ZNF469: variants seen among roughly 807,000 people sequenced by gnomAD.
ZNF469 encodes zinc finger protein 469.
A neutral mutation model predicts 1.0 loss-of-function variants in ZNF469; 1 was observed. The observed-to-expected ratio is 1.00, with a 90% CI of 0.35 to 4.73. The LOEUF is 4.73. ZNF469 is among the 30% of genes most tolerant of loss of function. The pLI is 0.16. For missense variants in ZNF469, 6,100 were observed against 5,356.3 expected (o/e 1.14, Z -4.33); for synonymous variants, 2,703 against 2,363.4 (o/e 1.14, Z -4.17).
At chr16:88,410,510 A>G (rs1905126940) in intron 1 of ZNF469, among the ~76,000 whole-genome samples, 2 of 141,018 alleles carry the variant, frequency 1.4e-5, no homozygotes, top group South Asian at 4.5e-4. Flanking sequence ...GGTGCAGGTC[A>G]CGTGGTCATG....
the ZNF469 span, among the ~76,000 whole-genome samples, chr16:88,184,126 C>T: frequency 6.6e-6 from 1 of 152,000 alleles, no homozygotes; most frequent in Non-Finnish European, 1.5e-5. Context: ...CTGTGGCCCC[C>T]GTGTAAACAG....
At chr16:88,168,126 G>C in the ZNF469 span, among the ~76,000 whole-genome samples, 3 of 152,300 alleles carry the variant, frequency 2.0e-5, no homozygotes, top group South Asian at 6.2e-4. This position sits in a 1 kb window ranked among gnomAD's most constrained non-coding sequence, Gnocchi z 4.3. Flanking sequence ...AATTGGCACC[G>C]GGGTAGCCTT....
chr16:88,109,328 C>A, the ZNF469 span, among the ~76,000 whole-genome samples: 1 of 152,256 alleles, frequency 6.6e-6, no homozygotes, highest in Non-Finnish European at 1.5e-5. Context: ...TCCAGGCCCA[C>A]TTTCCACACC....
At chr16:88,183,493 C>T in the ZNF469 span, among the ~76,000 whole-genome samples, 5 of 152,298 alleles carry the variant, frequency 3.3e-5, no homozygotes, top group South Asian at 2.1e-4. Context: ...ACGGGTCCCG[C>T]GAAGCCTGCT....
At chr16:88,295,786 G>T in the ZNF469 span, among the ~76,000 whole-genome samples, 1 of 152,154 alleles carries the variant, frequency 6.6e-6, no homozygotes, top group African/African-American at 2.4e-5. Context: ...CCCTCTCTCT[G>T]GAACAGATCT....
chr16:88,330,911 C>A, the ZNF469 span, among the ~76,000 whole-genome samples: 1 of 152,204 alleles, frequency 6.6e-6, no homozygotes, highest in Non-Finnish European at 1.5e-5. Flanking sequence ...GCAAAAGCAC[C>A]TGGCATGCAG....
chr16:88,309,249 G>A, the ZNF469 span, among the ~76,000 whole-genome samples: 1 of 152,274 alleles, frequency 6.6e-6, no homozygotes, highest in Non-Finnish European at 1.5e-5. Context: ...CCGTGGTGGT[G>A]TGCTGGCAAT....
the ZNF469 span, among the ~76,000 whole-genome samples, chr16:88,299,013 A>G: frequency 6.6e-6 from 1 of 151,886 alleles, no homozygotes; most frequent in Non-Finnish European, 1.5e-5. Flanking sequence ...GTCACCCTGC[A>G]CCTCCAGAGC....
At chr16:88,143,862 C>T in the ZNF469 span, among the ~76,000 whole-genome samples, 4 of 152,152 alleles carry the variant, frequency 2.6e-5, no homozygotes, top group Non-Finnish European at 4.4e-5. Context: ...GCCTGGCTGG[C>T]GGCCAGCGGC....
At chr16:88,318,131 GC>G in the ZNF469 span, among the ~76,000 whole-genome samples, 1 of 152,224 alleles carries the variant, frequency 6.6e-6, no homozygotes, top group Non-Finnish European at 1.5e-5. Flanking sequence ...GGTTTGGACA[GC>G]CGGTGGCAGC....
the ZNF469 span, among the ~76,000 whole-genome samples, chr16:88,325,345 A>C: frequency 6.6e-6 from 1 of 152,216 alleles, no homozygotes; most frequent in African/African-American, 2.4e-5. Flanking sequence ...AGACTGCACA[A>C]TTGGTGGCCA....
At chr16:88,308,662 G>A in the ZNF469 span, among the ~76,000 whole-genome samples, 1 of 152,116 alleles carries the variant, frequency 6.6e-6, no homozygotes, top group Admixed American at 6.5e-5. Context: ...CCACAGACTG[G>A]GCATGGTGAG....
chr16:88,310,830 A>G, the ZNF469 span, among the ~76,000 whole-genome samples: 1 of 152,134 alleles, frequency 6.6e-6, no homozygotes, highest in African/African-American at 2.4e-5. Context: ...TTAAAAGAGC[A>G]GTTTTAGATT....
chr16:88,245,199 GGT>G, the ZNF469 span, among the ~76,000 whole-genome samples: 6 of 152,224 alleles, frequency 3.9e-5, no homozygotes, highest in Admixed American at 3.9e-4. Flanking sequence ...TCTCAGCAGA[GGT>G]ACAGTCATGT....
the ZNF469 span, among the ~76,000 whole-genome samples, chr16:88,114,865 C>T: frequency 2.0e-4 from 31 of 152,330 alleles, no homozygotes; most frequent in African/African-American, 7.5e-4. Flanking sequence ...TTCTTGGACA[C>T]CATTGCTTTG....
At position 88,424,382 on chromosome 16, in the gene ZNF469, G is replaced by A. The variant is rs1905611577; in HGVS notation, c.-191-425G>A. 6.6e-6 allele frequency among the ~76,000 whole-genome samples: 1 copy of A among 152,192 alleles called. No individual in the cohort carries two copies. Among genetic ancestry groups the A allele is most frequent in the Non-Finnish European group, 1.5e-5 (1 of 68,030 alleles). ...GCTGGTGTTTGCATCCAGGGACTCT[G>A]GGAGGAAACACCAGAAGCTCCTCTA... On this transcript the variant is annotated intron_variant, in intron 1 of 2. Coordinates refer to ENST00000565624, the MANE Select transcript of ZNF469 (RefSeq NM_001367624.2). This position sits in a 1 kb window ranked among gnomAD's most constrained non-coding sequence, Gnocchi z 4.3.
chr16:88,193,273 A>ATGGTGGTGGTGGTGGTAGTGGTGG, the ZNF469 span, among the ~76,000 whole-genome samples: 1 of 93,650 alleles, frequency 1.1e-5, no homozygotes, highest in Non-Finnish European at 2.3e-5. Context: ...GGTAGTGGTG[A>ATGGTGGTGGTGGTGGTAGTGGTGG]TGGTGGTGGT....
At chr16:88,234,278 G>C in the ZNF469 span, among the ~76,000 whole-genome samples, 1 of 152,258 alleles carries the variant, frequency 6.6e-6, no homozygotes, top group Non-Finnish European at 1.5e-5. Flanking sequence ...TCTTGAGTGA[G>C]CTGAAGGATT....
the ZNF469 span, among the ~76,000 whole-genome samples, chr16:88,108,727 G>C: frequency 3.3e-5 from 5 of 152,184 alleles, no homozygotes; most frequent in African/African-American, 1.2e-4. Context: ...CTGTATGGGG[G>C]GCCACGCATG....
Sources: allele counts gnomAD v4.1 joint callset (sites outside exome capture counted in the v4.1 genomes callset), GRCh38; gene constraint gnomAD v4.1.1; non-coding constraint Gnocchi (gnomAD v3.1); transcripts MANE v1.5; gene names NCBI Gene and HGNC (gene_info 2026-07-23, HGNC 2026-07-21).